Variants in ZNF831 observed in about 807,000 individuals in gnomAD.
ZNF831 encodes the protein zinc finger protein 831.
Under a neutral mutation model 95.8 loss-of-function variants are expected in ZNF831, and 59 were observed. The ratio of observed to expected loss-of-function variants is 0.62; its 90% CI spans 0.50 to 0.77. ZNF831 has a LOEUF of 0.77. Ranked by LOEUF, ZNF831 falls within the 30% of genes least tolerant of loss-of-function variation. The pLI, the probability that ZNF831 is intolerant of heterozygous loss-of-function variation, is 0.00. For missense variants in ZNF831, 2,205 were observed against 2,164.0 expected (o/e 1.02, Z -0.38); for synonymous variants, 961 against 925.5 (o/e 1.04, Z -0.70).
intron 2 of ZNF831, 171 bp from the exon 3 acceptor site, chr20:59,195,698 C>T (rs905035092): frequency 5.5e-6 from 5 of 904,766 alleles, no homozygotes; most frequent in Non-Finnish European, 6.6e-6. Flanking sequence ...TCCAGGAACG[C>T]TCTGCCGTTG....
At chr20:59,198,427 G>GT (rs1984280487) in intron 3 of ZNF831, among the ~76,000 whole-genome samples, 1 of 152,242 alleles carries the variant, frequency 6.6e-6, no homozygotes, top group East Asian at 1.9e-4. Flanking sequence ...CCCCTTGTGG[G>GT]TAAGAGCTGT....
intron 1 of ZNF831, among the ~76,000 whole-genome samples, chr20:59,134,469 A>G (rs938818172): frequency 2.0e-5 from 3 of 152,158 alleles, no homozygotes; most frequent in Non-Finnish European, 4.4e-5. Context: ...GTCTTTCTTT[A>G]TCCGCTTTTC....
intron 1 of ZNF831, among the ~76,000 whole-genome samples, chr20:59,143,258 C>A (rs1979737869): frequency 1.3e-5 from 2 of 152,186 alleles, no homozygotes; most frequent in African/African-American, 4.8e-5. Context: ...CTCAAATACA[C>A]AACCATTGCT....
chr20:59,211,779 T>TTGTGTGTGTGTGTGTGTGTGTGTGTG (rs11472424), intron 4 of ZNF831, among the ~76,000 whole-genome samples: 49 of 146,780 alleles, frequency 3.3e-4, no homozygotes, highest in African/African-American at 1.2e-3. Flanking sequence ...GGAGCTGACC[T>TTGTGTGTGTGTGTGTGTGTGTGTGTG]TGTGTGTGTG....
chr20:59,168,455 G>GTTTTTT (rs71183161), intron 1 of ZNF831, among the ~76,000 whole-genome samples: 8 of 113,842 alleles, frequency 7.0e-5, no homozygotes, highest in African/African-American at 2.4e-4. Context: ...GTGCGAGGAG[G>GTTTTTT]TTTTTTTTTT....
chr20:59,161,105 A>G (rs148440078), upstream of ZNF831, among the ~76,000 whole-genome samples: 763 of 152,246 alleles, frequency 5.0e-3, 2 homozygotes, highest in Middle Eastern at 0.017. Flanking sequence ...TTTATTTGTT[A>G]TATTGAATTG....
rs1443338981 is a variant in ZNF831, at chr20:59,259,078, ATTTTG to A, written c.*4341_*4345del. The A allele has an allele frequency of 2.1e-5, 3 of 142,978 alleles. No individual in the cohort carries two copies. The highest frequency in any genetic ancestry group is 1.3e-4 in the Admixed American group (2 of 14,988). The allele number at this position is 142,978 out of a possible 1,614,324, so 8.9% of individuals were successfully genotyped here. A position where few individuals can be genotyped will look rare whatever the true frequency, so the allele number is the denominator to read the frequency against. ...CTTTCTTTCTTTATATGGTTAAATTATTTTGTTTTGATAAAAATAAAACTTAAAAT... is the reference window on the plus strand; with the variant it reads ...CTTTCTTTCTTTATATGGTTAAATTATTTTGATAAAAATAAAACTTAAAAT... On this transcript the variant is annotated 3_prime_UTR_variant, in exon 6 of 6. Transcript: ENST00000371030.
chr20:59,254,864 T>C lies in ZNF831; in HGVS notation c.*121T>C, dbSNP rs980389752. On this transcript the variant is annotated 3_prime_UTR_variant, in exon 6 of 6. Coordinates refer to ENST00000371030, the MANE Select transcript of ZNF831 (RefSeq NM_178457.3). The surrounding 1 kb of genome is among the most constrained non-coding windows in gnomAD (Gnocchi z 4.5). ...AAACACCTACAGATTAGGAAAGCCA[T>C]TTTGAGTTATTTACAAGCCAACTCC... 3 of 1,390,830 alleles carry C rather than the reference T, an allele frequency of 2.2e-6. No homozygotes were observed. Among genetic ancestry groups the C allele is most frequent in the Non-Finnish European group, 2.9e-6 (3 of 1,036,982 alleles). The allele number at this position is 1,390,830 out of a possible 1,614,324, so 86.2% of individuals were successfully genotyped here.
chr20:59,192,484 C>A lies in ZNF831; in HGVS notation c.1465C>A (p.Pro489Thr), dbSNP rs1283668074. 1.3e-6 allele frequency: 2 copies of A among 1,576,924 alleles called. No homozygotes were observed. The highest frequency in any genetic ancestry group is 2.4e-5 in the South Asian group (2 of 84,840). ...KSRPLFFHSV[P>T]TQLSTTVECV... ...TCGGCCCCTCTTCTTCCACTCCGTC[C>A]CCACTCAGCTCTCCACCACCGTGGA... is the stretch of plus-strand genomic sequence containing the variant. The change falls in exon 2 of 6, where the codon CCC (proline) becomes ACC (threonine). Residue 489 changes from proline to threonine, a missense_variant. Coordinates refer to ENST00000371030, the MANE Select transcript of ZNF831 (RefSeq NM_178457.3). This position sits in a 1 kb window ranked among gnomAD's most constrained non-coding sequence, Gnocchi z 5.2.
chr20:59,218,317 T>G (rs1199090530), intron 4 of ZNF831, among the ~76,000 whole-genome samples: 1 of 152,166 alleles, frequency 6.6e-6, no homozygotes, highest in African/African-American at 2.4e-5. Context: ...CCAAACAGAT[T>G]CCCTGGTTAT....
intron 1 of ZNF831, chr20:59,146,118 C>A (rs912677578): frequency 6.6e-6 from 1 of 152,220 alleles, no homozygotes; most frequent in Non-Finnish European, 1.5e-5. Context: ...CGAGCCCACA[C>A]CAGGGCAGGC....
At position 59,193,725 on chromosome 20, in the gene ZNF831, G is replaced by A. The variant is rs2146588254; in HGVS notation, c.2706G>A (p.Lys902=). Residue 902 remains lysine, a synonymous_variant, in exon 2 of 6, where the codon AAG becomes AAA. Transcript: ENST00000371030. The part of the protein sequence containing the change: ...VALKRVGPRD[K]ATPLHPAAPA... ...TGAAGAGGGTGGGGCCAAGGGACAA[G>A]GCTACCCCACTGCATCCTGCAGCCC... 3.7e-6 allele frequency: 6 copies of A among 1,611,770 alleles called. No individual in the cohort carries two copies. The highest frequency in any genetic ancestry group is 1.7e-5 in the Admixed American group (1 of 59,846).
chr20:59,142,513 A>G (rs1394495484), intron 1 of ZNF831, among the ~76,000 whole-genome samples: 1 of 152,228 alleles, frequency 6.6e-6, no homozygotes. Flanking sequence ...TAGCCGTGGA[A>G]GAGCACAAGA....
chr20:59,190,346 T>C (rs1047250732), intron 1 of ZNF831, among the ~76,000 whole-genome samples: 2 of 152,264 alleles, frequency 1.3e-5, no homozygotes, highest in Non-Finnish European at 2.9e-5. Flanking sequence ...ATTTGGGACA[T>C]ACTCCCACTA....
At chr20:59,246,139 A>G (rs975748215) in intron 4 of ZNF831, among the ~76,000 whole-genome samples, 3 of 151,870 alleles carry the variant, frequency 2.0e-5, no homozygotes, top group African/African-American at 7.3e-5. Flanking sequence ...CTCTGAAGGG[A>G]TTTCTGAGGT....
rs61743785 is a variant in ZNF831 at position 59,192,672 on chromosome 20, T to A, written c.1653T>A (p.Thr551=). Residue 551 remains threonine (T), a synonymous_variant, in exon 2 of 6, where the codon ACT becomes ACA. Coordinates refer to ENST00000371030, the MANE Select transcript of ZNF831 (RefSeq NM_178457.3). The surrounding 1 kb of genome is among the most constrained non-coding windows in gnomAD (Gnocchi z 5.2). ...GCTGCCGCTCGGGACTAAGCTCGAC[T>A]GACGTTCCCAGTGGGCATCCCCGGG... ...RLGCRSGLSS[T]DVPSGHPRAL... The A allele has an allele frequency of 0.1, 157,016 of 1,548,122 alleles. 8,849 individuals carry two copies. Among genetic ancestry groups the A allele is most frequent in the Non-Finnish European group, 0.11 (129,465 of 1,148,580 alleles).
rs746535843 is a variant in ZNF831 at position 59,253,069 on chromosome 20, A to C, written c.4119A>C (p.Gln1373His). Residue 1373 changes from glutamine (Q) to histidine (H), a missense_variant, in exon 5 of 6, where the codon CAA becomes CAC. By Grantham distance (24) the Gln-to-His change is conservative (BLOSUM62 0). Transcript: ENST00000371030. ...AGAAGAAGGAAGGTGACTGCAGACA[A>C]ACCTTAGGAACCCTCTCTCTTGGTA... ...KEEKKEGDCR[Q>H]TLGTLSLGTS... 1.9e-6 allele frequency: 3 copies of C among 1,614,088 alleles called. No individual in the cohort carries two copies. In the South Asian group the frequency reaches 3.3e-5, roughly 18 times the overall value.
At chr20:59,221,418 C>T (rs1295072831) in intron 4 of ZNF831, among the ~76,000 whole-genome samples, 1 of 152,196 alleles carries the variant, frequency 6.6e-6, no homozygotes, top group Non-Finnish European at 1.5e-5. Flanking sequence ...CAATACTGTG[C>T]TCTTGTAGGG....
intron 1 of ZNF831, among the ~76,000 whole-genome samples, chr20:59,172,297 C>T (rs1252367079): frequency 6.6e-6 from 1 of 152,200 alleles, no homozygotes; most frequent in Non-Finnish European, 1.5e-5. Context: ...GCTCCCGTGG[C>T]ACGCTCACCT....
Sources: gnomAD v4.1 joint callset for allele counts (sites outside exome capture counted in the v4.1 genomes callset) on GRCh38, gnomAD v4.1.1 for gene constraint, Gnocchi (gnomAD v3.1) non-coding constraint, MANE v1.5 for transcripts, NCBI Gene and HGNC (gene_info 2026-07-23, HGNC 2026-07-21) for gene names.